The following EPHA6 variants were observed in gnomAD, a reference collection of about 807,000 sequenced individuals.
The protein encoded by EPHA6 is EPH receptor A6, also known as ephrin type-A receptor 6.
A neutral mutation model predicts 112.0 loss-of-function variants in EPHA6; 50 were observed. That is an observed-to-expected ratio of 0.45 (90% CI 0.36 to 0.56). EPHA6 has a LOEUF of 0.56. Ranked by LOEUF, EPHA6 falls within the 20% of genes least tolerant of loss-of-function variation. EPHA6 has a pLI of 0.00. For missense variants in EPHA6, 1,280 were observed against 1,417.4 expected (o/e 0.90, Z 1.56); for synonymous variants, 529 against 490.7 (o/e 1.08, Z -1.03).
chr3:96,969,657 A>C (rs537497187), intron 2 of EPHA6, among the ~76,000 whole-genome samples: 20 of 152,134 alleles, frequency 1.3e-4, no homozygotes, highest in Non-Finnish European at 2.4e-4. Context: ...GCATATCTTT[A>C]ATAAGAAATA....
At chr3:96,829,681 A>G (rs1355822604) in intron 1 of EPHA6, among the ~76,000 whole-genome samples, 1 of 152,086 alleles carries the variant, frequency 6.6e-6, no homozygotes, top group East Asian at 1.9e-4. Flanking sequence ...CCCAAGTGGA[A>G]ATAGATTTAG....
chr3:97,225,732 C>G (rs1266356146), intron 3 of EPHA6, among the ~76,000 whole-genome samples: 2 of 151,880 alleles, frequency 1.3e-5, no homozygotes, highest in Admixed American at 1.3e-4. Flanking sequence ...CAAACATAAA[C>G]TATCAAAAAA....
intron 14 of EPHA6, 117 bp downstream of exon 14, chr3:97,638,199 T>G: frequency 1.4e-6 from 1 of 704,016 alleles, no homozygotes; most frequent in Non-Finnish European, 2.3e-6. Flanking sequence ...ACTTTGCTAA[T>G]TTGATATCAT....
chr3:97,088,801 T>C (rs747164063), intron 3 of EPHA6, among the ~76,000 whole-genome samples: 32 of 152,234 alleles, frequency 2.1e-4, no homozygotes, highest in Non-Finnish European at 3.5e-4. Context: ...CCTCAAATGC[T>C]AATAAATGTT....
chr3:97,421,531 CT>C (rs2088628062), intron 6 of EPHA6, among the ~76,000 whole-genome samples: 1 of 152,138 alleles, frequency 6.6e-6, no homozygotes, highest in Admixed American at 6.5e-5. Flanking sequence ...ATAAGAAAAG[CT>C]TATCATAGAA....
rs569973399 is a variant in EPHA6, at chr3:97,121,349, G to T, written c.1115-104915G>T. ...AGCACTAAAATGACGCTAGAAATAT[G>T]TTGAGATAGAAGAGGTTGTCTTACA... On this transcript the variant is annotated intron_variant, in intron 3 of 17. Coordinates refer to ENST00000389672, the MANE Select transcript of EPHA6 (RefSeq NM_001080448.3). 1.6e-4 allele frequency among the ~76,000 whole-genome samples: 24 copies of T among 152,116 alleles called. 2 individuals are homozygous for T. Among genetic ancestry groups the T allele is most frequent in the Admixed American group, 1.6e-3 (24 of 15,230 alleles).
At chr3:97,286,507 G>T in intron 5 of EPHA6, among the ~76,000 whole-genome samples, 1 of 152,134 alleles carries the variant, frequency 6.6e-6, no homozygotes, top group East Asian at 1.9e-4. Context: ...TTTCCCCAGT[G>T]TATGTTCCTG....
chr3:97,262,677 T>G (rs1202292532), intron 5 of EPHA6, among the ~76,000 whole-genome samples: 1 of 152,180 alleles, frequency 6.6e-6, no homozygotes, highest in Non-Finnish European at 1.5e-5. Context: ...TATTAAAAAT[T>G]AGAATTTTTC....
At chr3:97,549,123 A>C (rs539500264) in intron 11 of EPHA6, among the ~76,000 whole-genome samples, 63 of 152,370 alleles carry the variant, frequency 4.1e-4, no homozygotes, top group African/African-American at 1.5e-3. Context: ...TTAGCTAACT[A>C]TACATTTTAT....
chr3:96,999,275 T>C (rs768978231), intron 3 of EPHA6, among the ~76,000 whole-genome samples: 3 of 151,898 alleles, frequency 2.0e-5, no homozygotes, highest in Non-Finnish European at 4.4e-5. Flanking sequence ...TCCCTAGGCT[T>C]TAAATAGAGA....
At chr3:96,862,088 T>G (rs779634771) in intron 1 of EPHA6, among the ~76,000 whole-genome samples, 7 of 151,994 alleles carry the variant, frequency 4.6e-5, no homozygotes, top group Non-Finnish European at 8.8e-5. Context: ...AATGTCAGTT[T>G]AAAGCATTTA....
rs533380654 is a variant in EPHA6, at chr3:97,412,467, C to T, written c.1731+7193C>T. The stretch of plus-strand genomic sequence containing the variant: ...GAATTCCATGTCTTTATCTCTTTTT[C>T]GATGAGGTTGGAATAAATAATCTAA... On this transcript the variant is annotated intron_variant, in intron 6 of 17. Coordinates refer to ENST00000389672, the MANE Select transcript of EPHA6 (RefSeq NM_001080448.3). Among the ~76,000 whole-genome samples, 17 of 152,064 alleles carry T rather than the reference C, an allele frequency of 1.1e-4. No homozygotes were observed. In the South Asian group the frequency reaches 1.2e-3, roughly 11 times the overall value.
intron 1 of EPHA6, among the ~76,000 whole-genome samples, chr3:96,837,584 A>G (rs1423380228): frequency 6.6e-6 from 1 of 152,064 alleles, no homozygotes. Context: ...GGCAGTCCTA[A>G]ACTGTTTACC....
intron 13 of EPHA6, among the ~76,000 whole-genome samples, chr3:97,613,202 T>G (rs2093735296): frequency 6.6e-6 from 1 of 152,148 alleles, no homozygotes; most frequent in Admixed American, 6.6e-5. Context: ...TAATAGCAGA[T>G]ACTCAACTCC....
rs140024817 is a variant in EPHA6 at position 97,481,177 on chromosome 3, C to T, written c.2074+1813C>T. 2,671 of 972,996 alleles carry T rather than the reference C, an allele frequency of 2.7e-3. 40 individuals are homozygous for T. In the African/African-American group the frequency reaches 0.033, roughly 12 times the overall value. The allele number at this position is 972,996 out of a possible 1,614,324, so 60.3% of individuals were successfully genotyped here. On this transcript the variant is annotated intron_variant, in intron 9 of 17. Coordinates refer to ENST00000389672, the MANE Select transcript of EPHA6 (RefSeq NM_001080448.3). The stretch of plus-strand genomic sequence containing the variant: ...CGAGATCACGCCACTGCACTCCAGC[C>T]GAACAATTTCCTCATGAAGTACTGG...
chr3:96,853,855 G>A (rs1266948916), intron 1 of EPHA6, among the ~76,000 whole-genome samples: 1 of 151,782 alleles, frequency 6.6e-6, no homozygotes, highest in South Asian at 2.1e-4. Flanking sequence ...TGAAGTTGAT[G>A]TTACTATTTA....
chr3:96,901,598 T>G (rs2038616737), intron 2 of EPHA6, among the ~76,000 whole-genome samples: 1 of 152,132 alleles, frequency 6.6e-6, no homozygotes, highest in South Asian at 2.1e-4. Context: ...ATGTATAACA[T>G]TCAAAATGAA....
At chr3:97,614,871 T>C (rs1052126147) in intron 13 of EPHA6, among the ~76,000 whole-genome samples, 1 of 152,016 alleles carries the variant, frequency 6.6e-6, no homozygotes, top group African/African-American at 2.4e-5. Context: ...AGGAACAGGA[T>C]GGACTGGTAG....
intron 11 of EPHA6, among the ~76,000 whole-genome samples, chr3:97,555,113 A>C (rs765779483): frequency 2.3e-5 from 3 of 131,640 alleles, no homozygotes; most frequent in Non-Finnish European, 3.1e-5. Context: ...CCAGAGTGTG[A>C]TGTTCCCCTT....
Sources: gnomAD v4.1 joint callset for allele counts (sites outside exome capture counted in the v4.1 genomes callset) on GRCh38, gnomAD v4.1.1 for gene constraint, MANE v1.5 for transcripts, NCBI Gene and HGNC (gene_info 2026-07-23, HGNC 2026-07-21) for gene names.